Variants in MDGA2 observed in about 807,000 individuals in gnomAD.
The protein encoded by MDGA2 is MAM domain-containing glycosylphosphatidylinositol anchor protein 2.
MDGA2 carries 40 observed loss-of-function variants against 117.8 expected under a neutral mutation model. The ratio of observed to expected loss-of-function variants is 0.34; its 90% confidence interval spans 0.26 to 0.44. The LOEUF is 0.44. Among genes scored for constraint, MDGA2 ranks in the 20% least tolerant of loss-of-function variants. The pLI, the probability that MDGA2 is intolerant of heterozygous loss-of-function variation, is 1.00. For missense variants in MDGA2, 1,123 were observed against 1,250.6 expected, an observed-to-expected ratio of 0.90 and a Z score of 1.54; for synonymous variants, 452 against 439.0, an observed-to-expected ratio of 1.03 and a Z score of -0.37.
rs746336378 is a variant in MDGA2, at chr14:46,882,031, A to G, written c.2416+13T>C. The G allele has an allele frequency of 3.3e-6, 5 of 1,493,720 alleles. No homozygotes were observed. The Admixed American group carries it at 8.7e-5, about 26-fold the overall frequency. The allele number at this position is 1,493,720 out of a possible 1,614,324, so 92.5% of individuals were successfully genotyped here. A position where few individuals can be genotyped will look rare whatever the true frequency, so the allele number is the denominator to read the frequency against. On this transcript the variant is annotated intron_variant, in intron 11 of 16. Transcript: ENST00000399232. Reference sequence around the variant, plus strand: ...ATATATAAATAAATAATTTTAAATGAAAGGCTACTTACCACTATATTTGAT... The same window carrying G: ...ATATATAAATAAATAATTTTAAATGGAAGGCTACTTACCACTATATTTGAT...
In MDGA2 at chr14:46,910,463, T is replaced by C. The variant is rs140781378; in HGVS notation, c.2238+9549A>G. On this transcript the variant is annotated intron_variant, in intron 10 of 16. Coordinates refer to ENST00000399232, the MANE Select transcript of MDGA2 (RefSeq NM_001113498.3). ...GTAAAGTTTAACTTCTTTGGAACTG[T>C]TCCTATGGTCCTTCATGCCTCAAAA... 3.1e-4 allele frequency among the ~76,000 whole-genome samples: 47 copies of C among 152,268 alleles called. No individual in the cohort carries two copies. The East Asian group carries it at 8.9e-3, about 29-fold the overall frequency.
intron 1 of MDGA2, among the ~76,000 whole-genome samples, chr14:47,590,711 G>A (rs1025361393): frequency 6.6e-6 from 1 of 151,918 alleles, no homozygotes; most frequent in Non-Finnish European, 1.5e-5. Context: ...CATGATGGCT[G>A]ATGTGATTAT....
chr14:46,936,028 G>A (rs929528102), intron 9 of MDGA2, among the ~76,000 whole-genome samples: 1 of 144,328 alleles, frequency 6.9e-6, no homozygotes, highest in East Asian at 2.0e-4. Flanking sequence ...TAATAATTGG[G>A]ATTGTAGATC....
At chr14:47,577,791 T>C (rs1323206922) in intron 1 of MDGA2, among the ~76,000 whole-genome samples, 4 of 152,186 alleles carry the variant, frequency 2.6e-5, no homozygotes, top group African/African-American at 9.6e-5. Flanking sequence ...CAAGGCTGTT[T>C]AGAAATAGAA....
intron 1 of MDGA2, among the ~76,000 whole-genome samples, chr14:47,324,102 A>G (rs1890069701): frequency 6.6e-6 from 1 of 152,118 alleles, no homozygotes; most frequent in East Asian, 2.0e-4. Flanking sequence ...AAAATTAGCC[A>G]GGCGTGGTGG....
At chr14:46,998,957 C>T (rs1566566869) in intron 8 of MDGA2, among the ~76,000 whole-genome samples, 1 of 151,984 alleles carries the variant, frequency 6.6e-6, no homozygotes, top group Non-Finnish European at 1.5e-5. Context: ...GGAACCTACC[C>T]TTCCCAGTAG....
intron 7 of MDGA2, among the ~76,000 whole-genome samples, chr14:47,047,801 T>C: frequency 6.6e-6 from 1 of 151,974 alleles, no homozygotes; most frequent in East Asian, 1.9e-4. Flanking sequence ...AACAAAGGTT[T>C]ATATAATTCA....
At chr14:47,108,166 C>T (rs12323509) in intron 5 of MDGA2, among the ~76,000 whole-genome samples, 22,823 of 152,100 alleles carry the variant, frequency 0.15, 1,860 homozygotes, top group Non-Finnish European at 0.17. Context: ...ACTTTTACCA[C>T]ATTCCCTTCT....
intron 5 of MDGA2, among the ~76,000 whole-genome samples, chr14:47,109,473 G>C (rs1880915958): frequency 6.6e-6 from 1 of 152,102 alleles, no homozygotes; most frequent in African/African-American, 2.4e-5. Context: ...GAGATATTTA[G>C]GAGTAGGACA....
chr14:47,663,728 T>C (rs1897891886), intron 1 of MDGA2, among the ~76,000 whole-genome samples: 1 of 152,206 alleles, frequency 6.6e-6, no homozygotes, highest in Non-Finnish European at 1.5e-5. Flanking sequence ...AGTAATTGTG[T>C]GATGACCCCA....
chr14:47,665,483 C>A (rs1444946069), intron 1 of MDGA2, among the ~76,000 whole-genome samples: 1 of 152,170 alleles, frequency 6.6e-6, no homozygotes, highest in Non-Finnish European at 1.5e-5. Context: ...CTTCTCCGGG[C>A]TGGCTGAGGC....
chr14:47,295,243 C>A (rs72682166), intron 2 of MDGA2, among the ~76,000 whole-genome samples: 1 of 151,938 alleles, frequency 6.6e-6, no homozygotes, highest in African/African-American at 2.4e-5. Context: ...TATTTTTGAA[C>A]GGAGAAGGTC....
At chr14:46,975,515 G>A (rs2138352479) in intron 8 of MDGA2, among the ~76,000 whole-genome samples, 1 of 152,194 alleles carries the variant, frequency 6.6e-6, no homozygotes, top group Middle Eastern at 3.4e-3. Context: ...CAGCTTTTAA[G>A]GGGAATGAAA....
chr14:46,857,914 A>G (rs979007713), intron 14 of MDGA2, among the ~76,000 whole-genome samples: 6 of 151,994 alleles, frequency 3.9e-5, no homozygotes, highest in African/African-American at 1.2e-4. Context: ...TGGCTTCCCA[A>G]AGTTTTTGGG....
intron 5 of MDGA2, among the ~76,000 whole-genome samples, chr14:47,098,346 A>G (rs1880105461): frequency 6.6e-6 from 1 of 151,420 alleles, no homozygotes; most frequent in Non-Finnish European, 1.5e-5. Context: ...TGCCTGTATG[A>G]CCTTTTTAAG....
chr14:47,543,186 G>C (rs940534051), intron 1 of MDGA2, among the ~76,000 whole-genome samples: 8 of 152,036 alleles, frequency 5.3e-5, no homozygotes, highest in South Asian at 2.1e-4. Context: ...CTCCAGCCTA[G>C]GTAACACAGT....
At chr14:47,613,497 A>G (rs1896892075) in intron 1 of MDGA2, among the ~76,000 whole-genome samples, 2 of 151,628 alleles carry the variant, frequency 1.3e-5, no homozygotes, top group Admixed American at 6.6e-5. Context: ...ACACACACAC[A>G]CACACACACG....
Position 46,887,381 on chromosome 14 carries a change from G to A in MDGA2, c.2239-5160C>T, listed in dbSNP as rs529150623. Among the ~76,000 whole-genome samples the A allele has an allele frequency of 1.8e-4, 28 of 151,964 alleles. No individual in the cohort carries two copies. The South Asian group carries it at 5.6e-3, about 30-fold the overall frequency. ...GTTAGACCCAAAATGACTCTTTTTGGTATCACTTCCTCCTTTGTTTTCCCT... is the reference window on the plus strand; with the variant it reads ...GTTAGACCCAAAATGACTCTTTTTGATATCACTTCCTCCTTTGTTTTCCCT... On this transcript the variant is annotated intron_variant, in intron 10 of 16. Coordinates refer to ENST00000399232, the MANE Select transcript of MDGA2 (RefSeq NM_001113498.3).
intron 3 of MDGA2, among the ~76,000 whole-genome samples, chr14:47,165,372 G>T (rs759929580): frequency 6.6e-6 from 1 of 152,188 alleles, no homozygotes; most frequent in Non-Finnish European, 1.5e-5. Context: ...CTGTCTTCTA[G>T]TTCAGGCTTG....
Sources: gnomAD v4.1 joint callset for allele counts (sites outside exome capture counted in the v4.1 genomes callset) on GRCh38, gnomAD v4.1.1 for gene constraint, MANE v1.5 for transcripts, NCBI Gene and HGNC (gene_info 2026-07-23, HGNC 2026-07-21) for gene names.